Variants in TBC1D5 observed in about 807,000 individuals in gnomAD.
TBC1D5 encodes TBC1 domain family member 5.
In TBC1D5, 75 loss-of-function variants were observed where a neutral mutation model predicts 100.3. That is an observed-to-expected ratio of 0.75 (90% CI 0.62 to 0.91). The LOEUF is 0.91. Among genes scored for constraint, TBC1D5 ranks in the 40% least tolerant of loss-of-function variants. The pLI is 0.00. For missense variants in TBC1D5, 910 were observed against 942.4 expected (o/e 0.97, Z 0.45); for synonymous variants, 323 against 325.6 (o/e 0.99, Z 0.09).
At chr3:17,355,735 A>C (rs1281972262) in intron 13 of TBC1D5, among the ~76,000 whole-genome samples, 1 of 152,038 alleles carries the variant, frequency 6.6e-6, no homozygotes, top group Non-Finnish European at 1.5e-5. Flanking sequence ...TTTCCCATAG[A>C]GGCTGAGTAC....
intron 2 of TBC1D5, among the ~76,000 whole-genome samples, chr3:17,544,788 G>A (rs1425925936): frequency 6.6e-6 from 1 of 151,914 alleles, no homozygotes; most frequent in East Asian, 1.9e-4. Context: ...CTTTTCAAAT[G>A]TAGCCTCCTA....
intron 2 of TBC1D5, among the ~76,000 whole-genome samples, chr3:17,578,244 G>GATT (rs1281431960): frequency 6.6e-6 from 1 of 151,988 alleles, no homozygotes; most frequent in Non-Finnish European, 1.5e-5. Context: ...AGATCATGGG[G>GATT]ATTAATTGCT....
intron 1 of TBC1D5, among the ~76,000 whole-genome samples, chr3:17,723,621 G>A (rs1260310892): frequency 6.6e-6 from 1 of 152,096 alleles, no homozygotes; most frequent in East Asian, 1.9e-4. Context: ...TACACTCGTG[G>A]ATTTTTTCAA....
At chr3:17,508,725 T>G in intron 2 of TBC1D5, 120 bp from the exon 3 acceptor site, 1 of 454,502 alleles carries the variant, frequency 2.2e-6, no homozygotes, top group Non-Finnish European at 4.0e-6. Flanking sequence ...TTTCCCAGGC[T>G]CCAGGGACTG....
At chr3:17,178,991 C>G (rs544956330) in intron 19 of TBC1D5, among the ~76,000 whole-genome samples, 1 of 152,018 alleles carries the variant, frequency 6.6e-6, no homozygotes, top group Non-Finnish European at 1.5e-5. Context: ...GGCTGGAGGG[C>G]AGTCGCTATT....
intron 2 of TBC1D5, among the ~76,000 whole-genome samples, chr3:17,509,122 A>T (rs2095874216): frequency 6.6e-6 from 1 of 151,968 alleles, no homozygotes. Flanking sequence ...AAACATACTG[A>T]TTATGTAATC....
chr3:17,192,259 A>ATTT (rs2070025774), intron 18 of TBC1D5, among the ~76,000 whole-genome samples: 1 of 152,114 alleles, frequency 6.6e-6, no homozygotes, highest in South Asian at 2.1e-4. Context: ...AAGGAGAAAA[A>ATTT]AGACATAACT....
chr3:17,643,671 G>A (rs933711219), intron 1 of TBC1D5, among the ~76,000 whole-genome samples: 1 of 152,028 alleles, frequency 6.6e-6, no homozygotes, highest in Non-Finnish European at 1.5e-5. Context: ...TAAATGTAGT[G>A]GACAACAGTA....
At chr3:17,617,864 A>G (rs759778256) in intron 2 of TBC1D5, among the ~76,000 whole-genome samples, 28 of 152,136 alleles carry the variant, frequency 1.8e-4, no homozygotes, top group African/African-American at 5.8e-4. Flanking sequence ...AGCTCAAAGA[A>G]GTTTGTTATT....
At chr3:17,421,361 G>C (rs1037289121) in intron 4 of TBC1D5, among the ~76,000 whole-genome samples, 2 of 152,054 alleles carry the variant, frequency 1.3e-5, no homozygotes, top group African/African-American at 2.4e-5. Context: ...GATGCTTCTT[G>C]AACAAATCTA....
chr3:17,572,435 C>T (rs1275350908), intron 2 of TBC1D5, among the ~76,000 whole-genome samples: 1 of 150,914 alleles, frequency 6.6e-6, no homozygotes, highest in Non-Finnish European at 1.5e-5. Flanking sequence ...ATAACATCAA[C>T]CTCTCTCTCT....
At chr3:17,609,893 A>G (rs1296801585) in intron 2 of TBC1D5, among the ~76,000 whole-genome samples, 2 of 152,228 alleles carry the variant, frequency 1.3e-5, no homozygotes, top group African/African-American at 4.8e-5. Context: ...TCTACCTGAC[A>G]TTCCATACCA....
chr3:17,472,873 T>C (rs1452470901), intron 3 of TBC1D5, among the ~76,000 whole-genome samples: 1 of 152,204 alleles, frequency 6.6e-6, no homozygotes, highest in African/African-American at 2.4e-5. Context: ...GATAGACCTA[T>C]TACATTCTAA....
At chr3:17,596,567 C>G (rs2060582786) in intron 2 of TBC1D5, among the ~76,000 whole-genome samples, 1 of 151,414 alleles carries the variant, frequency 6.6e-6, no homozygotes, top group Non-Finnish European at 1.5e-5. Context: ...ATCCGCCCAC[C>G]TTGGCCTCCC....
chr3:17,166,083 G>T (rs901390945), intron 21 of TBC1D5, among the ~76,000 whole-genome samples: 2 of 152,120 alleles, frequency 1.3e-5, no homozygotes, highest in African/African-American at 4.8e-5. Context: ...GAGAGTAGGG[G>T]TCAGCAAACT....
intron 13 of TBC1D5, among the ~76,000 whole-genome samples, chr3:17,329,496 C>CA (rs59179408): frequency 6.6e-6 from 1 of 150,522 alleles, no homozygotes; most frequent in East Asian, 1.9e-4. Context: ...GGTGGAAACA[C>CA]AAAAAAATAA....
At chr3:17,622,122 G>C (rs553940853) in intron 2 of TBC1D5, among the ~76,000 whole-genome samples, 1 of 152,132 alleles carries the variant, frequency 6.6e-6, no homozygotes. Context: ...AGATGGTTTC[G>C]AAATCAAACT....
chr3:17,739,352 G>A (rs927369311), exon 1 of TBC1D5: 2 of 152,100 alleles, frequency 1.3e-5, no homozygotes, highest in Non-Finnish European at 2.9e-5. Flanking sequence ...CTTTTATTCC[G>A]GGGTTGTCCT....
At chr3:17,495,310 T>A (rs2095692908) in intron 3 of TBC1D5, among the ~76,000 whole-genome samples, 1 of 152,216 alleles carries the variant, frequency 6.6e-6, no homozygotes, top group African/African-American at 2.4e-5. Context: ...TTATGAACCT[T>A]TGTCATTAAC....
Sources: gnomAD v4.1 joint callset for allele counts (sites outside exome capture counted in the v4.1 genomes callset) on GRCh38, gnomAD v4.1.1 for gene constraint, MANE v1.5 for transcripts, NCBI Gene and HGNC (gene_info 2026-07-23, HGNC 2026-07-21) for gene names.